SGCZ: variants seen among roughly 807,000 people sequenced by gnomAD.
SGCZ encodes zeta-sarcoglycan.
A neutral mutation model predicts 41.3 loss-of-function variants in SGCZ; 40 were observed. The observed-to-expected ratio is 0.97, with a 90% CI of 0.75 to 1.26. SGCZ has a LOEUF of 1.26. SGCZ is among the 50% of genes most tolerant of loss of function. The probability of loss-of-function intolerance (pLI) is 0.00; values close to 1 mark genes in which losing one functional copy is unlikely to be tolerated. For synonymous variants in SGCZ, 206 were observed against 137.5 expected, an observed-to-expected ratio of 1.50 and a Z score of -3.49; for missense variants, 552 against 369.8, an observed-to-expected ratio of 1.49 and a Z score of -4.04.
intron 1 of SGCZ, among the ~76,000 whole-genome samples, chr8:14,729,986 A>G (rs1810181944): frequency 6.6e-6 from 1 of 152,116 alleles, no homozygotes; most frequent in Non-Finnish European, 1.5e-5. Flanking sequence ...TGGGTAGGCT[A>G]CGGCAGGAGA....
chr8:14,881,492 G>C (rs367647567), intron 1 of SGCZ, among the ~76,000 whole-genome samples: 1 of 152,072 alleles, frequency 6.6e-6, no homozygotes, highest in Non-Finnish European at 1.5e-5. Flanking sequence ...TTGCAGCAGA[G>C]GGACAGGGAC....
intron 1 of SGCZ, among the ~76,000 whole-genome samples, chr8:14,952,909 C>G (rs1005892651): frequency 1.3e-5 from 2 of 152,062 alleles, no homozygotes; most frequent in African/African-American, 4.8e-5. Flanking sequence ...AACAGAGGCA[C>G]TTGGATTCAG....
chr8:14,754,919 C>T (rs371970806), intron 1 of SGCZ, among the ~76,000 whole-genome samples: 26 of 152,154 alleles, frequency 1.7e-4, no homozygotes, highest in South Asian at 8.3e-4. Context: ...TTTGTAGAGA[C>T]GGCGTTTCAC....
intron 1 of SGCZ, among the ~76,000 whole-genome samples, chr8:15,233,577 T>C (rs7010086): frequency 0.11 from 16,317 of 152,036 alleles, 1,216 homozygotes; most frequent in African/African-American, 0.2. Flanking sequence ...TAGGGCAAGA[T>C]TCAAGTTCTT....
At chr8:14,921,898 T>G (rs1799598864) in intron 1 of SGCZ, among the ~76,000 whole-genome samples, 1 of 152,160 alleles carries the variant, frequency 6.6e-6, no homozygotes, top group Non-Finnish European at 1.5e-5. Flanking sequence ...TGTTAAGCAA[T>G]TCGTATGATT....
intron 1 of SGCZ, among the ~76,000 whole-genome samples, chr8:14,997,154 G>A (rs1345596778): frequency 1.3e-5 from 2 of 151,828 alleles, no homozygotes; most frequent in African/African-American, 2.4e-5. Context: ...TCTCTTCTTC[G>A]TCACATTCAC....
intron 1 of SGCZ, among the ~76,000 whole-genome samples, chr8:15,158,902 G>A (rs1799413180): frequency 6.6e-6 from 1 of 152,180 alleles, no homozygotes. Flanking sequence ...TAATGGCAGT[G>A]CAGTATTGTC....
intron 1 of SGCZ, among the ~76,000 whole-genome samples, chr8:15,032,820 A>G (rs62493674): frequency 0.065 from 9,822 of 152,084 alleles, 396 homozygotes; most frequent in Middle Eastern, 0.12. Flanking sequence ...TAGCACCCAC[A>G]AACTCAACTT....
intron 2 of SGCZ, among the ~76,000 whole-genome samples, chr8:14,370,009 T>C (rs1010242553): frequency 1.3e-5 from 2 of 152,018 alleles, no homozygotes; most frequent in Non-Finnish European, 2.9e-5. Flanking sequence ...ATCTGGTTCC[T>C]GTGTCTTTTC....
At chr8:14,231,285 G>C (rs954727280) in intron 4 of SGCZ, among the ~76,000 whole-genome samples, 4 of 151,792 alleles carry the variant, frequency 2.6e-5, no homozygotes, top group Non-Finnish European at 4.4e-5. Flanking sequence ...CAGAGAGAGA[G>C]AGTGTGTCTG....
chr8:15,066,315 CAAAA>C (rs34127345), intron 1 of SGCZ, among the ~76,000 whole-genome samples: 16 of 106,912 alleles, frequency 1.5e-4, no homozygotes, highest in African/African-American at 4.3e-4. Context: ...ACTCCGTCTC[CAAAA>C]AAAAAAAAAA....
rs767919994 is a variant in SGCZ, at chr8:14,177,958, C to CTTTTCTTTCTTTTTCT, written c.425-13257_425-13256insAGAAAAAGAAAGAAAA. Among the ~76,000 whole-genome samples the CTTTTCTTTCTTTTTCT allele has an allele frequency of 5.1e-3, 485 of 95,054 alleles. 2 individuals are homozygous for CTTTTCTTTCTTTTTCT. Among genetic ancestry groups the CTTTTCTTTCTTTTTCT allele is most frequent in the African/African-American group, 0.016 (448 of 27,188 alleles). The allele number at this position is 95,054 out of a possible 152,430, so 62.4% of individuals were successfully genotyped here. ...TTTTTTCCTTCTTTTCTTTTTTTTT[C>CTTTTCTTTCTTTTTCT]TTTTTTTTTTTTTTTTTGAGACGAA... On this transcript the variant is annotated intron_variant, in intron 4 of 7. Transcript: ENST00000382080.
chr8:14,466,300 C>A (rs146539992), intron 2 of SGCZ, among the ~76,000 whole-genome samples: 2 of 151,874 alleles, frequency 1.3e-5, no homozygotes, highest in Non-Finnish European at 2.9e-5. Flanking sequence ...CTGCTCAATG[C>A]GTTGTGGTTT....
At chr8:14,455,561 C>A (rs771070240) in intron 2 of SGCZ, among the ~76,000 whole-genome samples, 4 of 151,864 alleles carry the variant, frequency 2.6e-5, no homozygotes, top group Admixed American at 6.6e-5. Context: ...ATAGATAGAT[C>A]GATCTCCATT....
intron 1 of SGCZ, among the ~76,000 whole-genome samples, chr8:15,013,469 C>G (rs923946689): frequency 6.6e-6 from 1 of 152,134 alleles, no homozygotes; most frequent in African/African-American, 2.4e-5. Context: ...CTCAAAGGCA[C>G]GTGAAATCAC....
chr8:14,411,519 C>T (rs4428672), intron 2 of SGCZ, among the ~76,000 whole-genome samples: 44,824 of 151,870 alleles, frequency 0.3, 6,812 homozygotes, highest in Non-Finnish European at 0.34. Flanking sequence ...ACTTCACTTG[C>T]TGCCTACAGC....
intron 1 of SGCZ, among the ~76,000 whole-genome samples, chr8:14,947,618 G>C (rs905271113): frequency 6.6e-6 from 1 of 152,144 alleles, no homozygotes; most frequent in African/African-American, 2.4e-5. Flanking sequence ...TGCCCCTTCA[G>C]TGCAAATAAT....
At chr8:15,010,948 G>C (rs1014981393) in intron 1 of SGCZ, among the ~76,000 whole-genome samples, 7 of 152,152 alleles carry the variant, frequency 4.6e-5, no homozygotes, top group African/African-American at 1.2e-4. Context: ...TGAAACTTCT[G>C]CCCTGGCTTC....
intron 1 of SGCZ, among the ~76,000 whole-genome samples, chr8:15,002,196 C>A (rs1802449663): frequency 9.9e-6 from 1 of 101,056 alleles, no homozygotes; most frequent in Non-Finnish European, 2.2e-5. Context: ...AGAATATAGT[C>A]AGCTCTAAAA....
Sources: gnomAD v4.1 joint callset for allele counts (sites outside exome capture counted in the v4.1 genomes callset) on GRCh38, gnomAD v4.1.1 for gene constraint, MANE v1.5 for transcripts, NCBI Gene and HGNC (gene_info 2026-07-23, HGNC 2026-07-21) for gene names.